PRKN: variants seen among roughly 807,000 people sequenced by gnomAD.
The protein encoded by PRKN is parkin RBR E3 ubiquitin protein ligase, also known as E3 ubiquitin-protein ligase parkin.
PRKN carries 56 observed loss-of-function variants against 59.5 expected under a neutral mutation model. The ratio of observed to expected loss-of-function variants is 0.94; its 90% CI spans 0.76 to 1.18. The LOEUF (loss-of-function observed/expected upper bound fraction) is 1.18, where lower values mean the gene tolerates loss of function less well. Among genes scored for constraint, PRKN ranks in the 50% most tolerant of loss-of-function variants. PRKN has a pLI of 0.00. For missense variants in PRKN, 657 were observed against 596.4 expected (o/e 1.10, Z -1.06); for synonymous variants, 250 against 222.1 (o/e 1.13, Z -1.12).
chr6:162,527,942 C>T (rs1277482912), intron 1 of PRKN, among the ~76,000 whole-genome samples: 1 of 152,062 alleles, frequency 6.6e-6, no homozygotes, highest in African/African-American at 2.4e-5. Flanking sequence ...CACCACCAAT[C>T]TCAGAGGCAT....
At chr6:161,508,497 A>T (rs1282528775) in intron 9 of PRKN, among the ~76,000 whole-genome samples, 1 of 152,178 alleles carries the variant, frequency 6.6e-6, no homozygotes, top group Non-Finnish European at 1.5e-5. Context: ...ATTACACATG[A>T]TGAAAAATTC....
At chr6:162,144,500 T>G (rs1022791826) in intron 4 of PRKN, among the ~76,000 whole-genome samples, 1 of 152,118 alleles carries the variant, frequency 6.6e-6, no homozygotes, top group Non-Finnish European at 1.5e-5. Context: ...TGTCAGAAGA[T>G]CAGCTGGTGT....
intron 7 of PRKN, among the ~76,000 whole-genome samples, chr6:161,586,553 A>G (rs1046063507): frequency 1.2e-4 from 19 of 152,218 alleles, no homozygotes; most frequent in Admixed American, 5.9e-4. Context: ...ATTAAAACTC[A>G]AGACTAAAAT....
intron 7 of PRKN, among the ~76,000 whole-genome samples, chr6:161,680,917 T>C (rs1785336746): frequency 6.6e-6 from 1 of 151,318 alleles, no homozygotes; most frequent in Non-Finnish European, 1.5e-5. Context: ...TGAAAAGCAA[T>C]GTGATTCATG....
rs927794279 is a variant in PRKN, at chr6:161,425,673, C to T, written c.1084-38796G>A. ...GCCTCATCACCCACTGGAGAGGTGTCTTCAGGGGGAAGTCAAGATTACAAC... is the reference window on the plus strand; with the variant it reads ...GCCTCATCACCCACTGGAGAGGTGTTTTCAGGGGGAAGTCAAGATTACAAC... On this transcript the variant is annotated intron_variant, in intron 9 of 11. Transcript: ENST00000366898. 2.6e-5 allele frequency among the ~76,000 whole-genome samples: 4 copies of T among 152,110 alleles called. No individual in the cohort carries two copies. The East Asian group carries it at 7.7e-4, about 29-fold the overall frequency.
intron 4 of PRKN, among the ~76,000 whole-genome samples, chr6:162,093,522 C>G (rs1483861160): frequency 2.0e-5 from 3 of 152,198 alleles, no homozygotes; most frequent in Non-Finnish European, 4.4e-5. Context: ...CCCTCTCTCT[C>G]TAAGAAAGAT....
At chr6:161,729,113 A>G (rs1787570517) in intron 7 of PRKN, among the ~76,000 whole-genome samples, 1 of 152,228 alleles carries the variant, frequency 6.6e-6, no homozygotes, top group African/African-American at 2.4e-5. Context: ...ATGAAGTATA[A>G]TTTCTTTTAC....
chr6:161,358,107 T>C (rs11962164), intron 11 of PRKN, among the ~76,000 whole-genome samples: 3,256 of 151,768 alleles, frequency 0.021, 119 homozygotes, highest in African/African-American at 0.075. Flanking sequence ...AGTTGGCACC[T>C]TTTTTCCTAA....
At chr6:162,034,186 T>TATATAG (rs1349695864) in intron 5 of PRKN, among the ~76,000 whole-genome samples, 1,397 of 133,262 alleles carry the variant, frequency 0.01, 9 homozygotes, top group Non-Finnish European at 0.014. Flanking sequence ...TATATATATA[T>TATATAG]AGAGAGAGAG....
At chr6:162,021,168 AAT>A (rs1329536382) in intron 5 of PRKN, among the ~76,000 whole-genome samples, 1 of 80,930 alleles carries the variant, frequency 1.2e-5, no homozygotes, top group African/African-American at 4.6e-5. Flanking sequence ...ATATATATAA[AAT>A]ATATGTGTAT....
At chr6:161,382,231 G>A (rs1179099243) in intron 10 of PRKN, among the ~76,000 whole-genome samples, 1 of 151,944 alleles carries the variant, frequency 6.6e-6, no homozygotes, top group Non-Finnish European at 1.5e-5. Context: ...GTATCAGAAT[G>A]TACAGTTGTC....
Position 162,325,000 on chromosome 6 carries a change from A to T in PRKN, c.172-62235T>A, listed in dbSNP as rs551850223. Among the ~76,000 whole-genome samples the T allele has an allele frequency of 5.9e-4, 90 of 152,254 alleles. 1 individual carries two copies. The South Asian group carries it at 0.013, about 23-fold the overall frequency. On this transcript the variant is annotated intron_variant, in intron 2 of 11. Coordinates refer to ENST00000366898, the MANE Select transcript of PRKN (RefSeq NM_004562.3). Reference sequence around the variant, plus strand: ...GGGTGATTTCCCAGTAATTTAATTTAAAAAAACTGGCATTAAGAACTAAGC... The same window carrying T: ...GGGTGATTTCCCAGTAATTTAATTTTAAAAAACTGGCATTAAGAACTAAGC...
At chr6:161,564,404 C>T (rs976606977) in intron 8 of PRKN, among the ~76,000 whole-genome samples, 5 of 152,186 alleles carry the variant, frequency 3.3e-5, no homozygotes, top group Non-Finnish European at 7.3e-5. Context: ...TTCCAGCTGC[C>T]CCAAACCCTG....
chr6:161,969,657 C>T (rs1780726665), intron 6 of PRKN, among the ~76,000 whole-genome samples: 1 of 152,126 alleles, frequency 6.6e-6, no homozygotes, highest in African/African-American at 2.4e-5. Flanking sequence ...TCTGTTCAGT[C>T]AGTTGGAGGC....
Position 162,372,981 on chromosome 6 carries a change from G to C in PRKN, c.171+70329C>G, listed in dbSNP as rs149532672. ...CCGGAGGAGTAGGCAATTTTATGTG[G>C]ATGTAGACCATGCACCTTTATCAGG... On this transcript the variant is annotated intron_variant, in intron 2 of 11. Transcript: ENST00000366898. 5.2e-3 allele frequency among the ~76,000 whole-genome samples: 796 copies of C among 152,184 alleles called. 2 individuals carry two copies. Among genetic ancestry groups the C allele is most frequent in the Non-Finnish European group, 8.7e-3 (589 of 68,000 alleles).
At chr6:162,054,889 C>T (rs1013363690) in intron 4 of PRKN, among the ~76,000 whole-genome samples, 3 of 152,126 alleles carry the variant, frequency 2.0e-5, no homozygotes, top group African/African-American at 7.2e-5. Context: ...GGGCTGTGCA[C>T]GGTGGCTCAT....
intron 1 of PRKN, chr6:162,568,328 T>C: frequency 3.1e-6 from 1 of 325,544 alleles, no homozygotes; most frequent in Non-Finnish European, 5.9e-6. Context: ...CTCTGCTCCT[T>C]CTGGAATCTC....
chr6:161,972,597 G>T (rs1780861725), intron 6 of PRKN, among the ~76,000 whole-genome samples: 1 of 152,132 alleles, frequency 6.6e-6, no homozygotes, highest in South Asian at 2.1e-4. Flanking sequence ...TCCCAAACTA[G>T]CTACTTGCTT....
intron 2 of PRKN, among the ~76,000 whole-genome samples, chr6:162,289,628 T>C (rs920251147): frequency 1.3e-5 from 2 of 150,074 alleles, no homozygotes; most frequent in Non-Finnish European, 3.0e-5. Context: ...ACCTGGGAGA[T>C]GGAGGTTGCA....
Sources: gnomAD v4.1 joint callset for allele counts (sites outside exome capture counted in the v4.1 genomes callset) on GRCh38, gnomAD v4.1.1 for gene constraint, MANE v1.5 for transcripts, NCBI Gene and HGNC (gene_info 2026-07-23, HGNC 2026-07-21) for gene names.